The following ZC3H7B variants were observed in gnomAD, a reference collection of about 807,000 sequenced individuals.
ZC3H7B encodes the protein zinc finger CCCH-type containing 7B, also known as zinc finger CCCH domain-containing protein 7B.
ZC3H7B carries 35 observed loss-of-function variants against 116.0 expected under a neutral mutation model. That is an observed-to-expected ratio of 0.30 (90% CI 0.23 to 0.40). ZC3H7B has a LOEUF of 0.40. ZC3H7B is among the 10% of genes least tolerant of loss of function. The pLI, the probability that ZC3H7B is intolerant of heterozygous loss-of-function variation, is 1.00. For synonymous variants in ZC3H7B, 502 were observed against 545.6 expected, an observed-to-expected ratio of 0.92 and a Z score of 1.11; for missense variants, 1,011 against 1,321.5, an observed-to-expected ratio of 0.77 and a Z score of 3.64.
chr22:41,341,793 G>A (rs2036526163), intron 11 of ZC3H7B, among the ~76,000 whole-genome samples: 1 of 151,910 alleles, frequency 6.6e-6, no homozygotes, highest in Non-Finnish European at 1.5e-5. Flanking sequence ...GCCAGGCGTG[G>A]TGGCTCATGC....
chr22:41,319,296 G>A (rs1229450741), intron 1 of ZC3H7B, among the ~76,000 whole-genome samples: 2 of 152,186 alleles, frequency 1.3e-5, no homozygotes, highest in Non-Finnish European at 2.9e-5. Flanking sequence ...AGCTACTCAG[G>A]AGGCTGAGGC....
At chr22:41,355,168 G>T (rs574891663) in intron 17 of ZC3H7B, among the ~76,000 whole-genome samples, 1 of 152,196 alleles carries the variant, frequency 6.6e-6, no homozygotes, top group African/African-American at 2.4e-5. Flanking sequence ...CTGTACAAAC[G>T]CAGGGAGGTG....
intron 9 of ZC3H7B, among the ~76,000 whole-genome samples, 155 bp downstream of exon 9, chr22:41,339,346 A>T (rs1359961629): frequency 6.6e-6 from 1 of 152,078 alleles, no homozygotes; most frequent in African/African-American, 2.4e-5. Context: ...GAAGCTGCAC[A>T]CTGGGCACGG....
At chr22:41,320,592 G>A (rs2036242870) in intron 1 of ZC3H7B, 63 bp from the exon 2 acceptor site, 3 of 1,589,754 alleles carry the variant, frequency 1.9e-6, no homozygotes, top group African/African-American at 1.3e-5. Flanking sequence ...CCCACGAAGT[G>A]GTGGTGGCTG....
At chr22:41,313,858 C>G (rs1407629734) in intron 1 of ZC3H7B, among the ~76,000 whole-genome samples, 1 of 151,288 alleles carries the variant, frequency 6.6e-6, no homozygotes, top group South Asian at 2.1e-4. Context: ...GCGATTCTCC[C>G]GCTTCAGCCT....
intron 15 of ZC3H7B, 130 bp from the exon 16 acceptor site, chr22:41,348,990 G>A (rs1899275122): frequency 9.8e-7 from 1 of 1,023,686 alleles, no homozygotes. Flanking sequence ...TGTCATCCAT[G>A]GCCTGGATTT....
At position 41,340,089 on chromosome 22, in the gene ZC3H7B, A is replaced by G. The variant is rs746618789; in HGVS notation, c.1090A>G (p.Ser364Gly). The G allele has an allele frequency of 6.2e-7, 1 of 1,611,802 alleles. No homozygotes were observed. Among genetic ancestry groups the G allele is most frequent in the Non-Finnish European group, 8.5e-7 (1 of 1,179,708 alleles). Residue 364 changes from serine (S) to glycine (G), a missense_variant, in exon 10 of 23, where the codon AGC becomes GGC. By Grantham distance (56) the Ser-to-Gly change is moderately conservative. Around this residue, in one of 5 missense-constraint regions of ZC3H7B, gnomAD observed 99 missense variants for 89.5 expected, o/e 1.11. Transcript: ENST00000352645. Reference protein sequence around the residue: ...YSETRLDALDSFGSTRGSLDK... With the variant: ...YSETRLDALDGFGSTRGSLDK... ...GGAGACCCGGCTGGATGCACTCGAC[A>G]GCTTTGGGTCGACACGAGGCTCCCT...
At chr22:41,353,731 G>T (rs1263080017) in intron 17 of ZC3H7B, among the ~76,000 whole-genome samples, 1 of 152,228 alleles carries the variant, frequency 6.6e-6, no homozygotes, top group East Asian at 1.9e-4. Flanking sequence ...GGCCAGGCTG[G>T]CTGGCAGGGC....
chr22:41,340,997 C>T, intron 10 of ZC3H7B, 91 bp from the exon 11 acceptor site: 2 of 1,302,628 alleles, frequency 1.5e-6, no homozygotes, highest in Non-Finnish European at 1.1e-6. Flanking sequence ...GGGGGCTTCT[C>T]CGAGTCAGCA....
chr22:41,345,906 A>G (rs367589461), intron 13 of ZC3H7B, 97 bp from the exon 14 acceptor site: 7 of 1,278,486 alleles, frequency 5.5e-6, no homozygotes, highest in East Asian at 4.6e-5. Flanking sequence ...TGCCTGGCTC[A>G]TGGGGCCAGA....
Position 41,357,071 on chromosome 22 carries a change from C to T in ZC3H7B, c.2682-106C>T. The T allele has an allele frequency of 6.6e-7, 1 of 1,521,466 alleles. No homozygotes were observed. Among genetic ancestry groups the T allele is most frequent in the Non-Finnish European group, 8.8e-7 (1 of 1,136,374 alleles). The allele number at this position is 1,521,466 out of a possible 1,614,324, so 94.2% of individuals were successfully genotyped here. A position where few individuals can be genotyped will look rare whatever the true frequency, so the allele number is the denominator to read the frequency against. On this transcript the variant is annotated intron_variant, in intron 22 of 22. Transcript: ENST00000352645. This position sits in a 1 kb window ranked among gnomAD's most constrained non-coding sequence, Gnocchi z 5.4. ...TTTCCCTGAGCTGGGACCCAGCTGC[C>T]CAGGGAGAGGCTTGTCTTCGGGGAG... is the stretch of plus-strand genomic sequence containing the variant.
At chr22:41,339,745 A>T in intron 9 of ZC3H7B, 71 bp from the exon 10 acceptor site, 1 of 1,442,290 alleles carries the variant, frequency 6.9e-7, no homozygotes, top group South Asian at 1.4e-5. Flanking sequence ...TTGCTTCCCC[A>T]AGTCCTGATG....
At position 41,357,561 on chromosome 22, in the gene ZC3H7B, G is replaced by A. The variant is rs1268723527; in HGVS notation, c.*132G>A. The A allele has an allele frequency of 1.2e-5, 13 of 1,064,066 alleles. No homozygotes were observed. Among genetic ancestry groups the A allele is most frequent in the South Asian group, 1.6e-5 (1 of 63,450 alleles). The allele number at this position is 1,064,066 out of a possible 1,614,324, so 65.9% of individuals were successfully genotyped here. ...ATCAGGCAGCCCCCAGCCCCCTGAG[G>A]CCCTGTCCATCTTCTCCCCACCACC... On this transcript the variant is annotated 3_prime_UTR_variant, in exon 23 of 23. Transcript: ENST00000352645. The surrounding 1 kb of genome is among the most constrained non-coding windows in gnomAD (Gnocchi z 5.4).
chr22:41,339,778 GT>G, intron 9 of ZC3H7B, 37 bp from the exon 10 acceptor site: 1 of 1,547,696 alleles, frequency 6.5e-7, no homozygotes, highest in Non-Finnish European at 8.7e-7. Flanking sequence ...GGGCAGTCCT[GT>G]TTTCCTCTGA....
intron 6 of ZC3H7B, among the ~76,000 whole-genome samples, 176 bp from the exon 7 acceptor site, chr22:41,331,995 A>G (rs555683720): frequency 6.6e-5 from 10 of 151,922 alleles, no homozygotes; most frequent in African/African-American, 2.4e-4. Flanking sequence ...AAACCCCAGA[A>G]TCTGACCCAG....
At position 41,327,248 on chromosome 22, in the gene ZC3H7B, G is replaced by A. The variant is rs1300809724; in HGVS notation, c.328G>A (p.Gly110Ser). Residue 110 changes from glycine (G) to serine (S), a missense_variant, in exon 5 of 23, where the codon GGC becomes AGC. Gly to Ser is a moderately conservative substitution (Grantham distance 56). Coordinates refer to ENST00000352645, the MANE Select transcript of ZC3H7B (RefSeq NM_017590.6). This position sits in a 1 kb window ranked among gnomAD's most constrained non-coding sequence, Gnocchi z 4.5. ...KALEDSEKAL[G>S]LDSESIRALF... ...GCTGGAGGACAGCGAGAAGGCGCTGGGCCTGGACAGTGAGAGTATCCGGGC... is the reference window on the plus strand; with the variant it reads ...GCTGGAGGACAGCGAGAAGGCGCTGAGCCTGGACAGTGAGAGTATCCGGGC... The A allele has an allele frequency of 6.2e-7, 1 of 1,613,972 alleles. No individual in the cohort carries two copies. Among genetic ancestry groups the A allele is most frequent in the Non-Finnish European group, 8.5e-7 (1 of 1,180,054 alleles).
chr22:41,322,511 C>CT (rs11380541), intron 2 of ZC3H7B, among the ~76,000 whole-genome samples: 5,848 of 151,390 alleles, frequency 0.039, 355 homozygotes, highest in African/African-American at 0.13. Flanking sequence ...TTTTATTTCT[C>CT]TTTTTTTTTA....
intron 17 of ZC3H7B, among the ~76,000 whole-genome samples, chr22:41,352,075 A>G (rs566001495): frequency 2.0e-5 from 3 of 152,264 alleles, no homozygotes; most frequent in South Asian, 4.1e-4. Flanking sequence ...GGCTCAAGCA[A>G]TCCTCCCACC....
At chr22:41,345,005 G>A (rs755083152) in intron 13 of ZC3H7B, among the ~76,000 whole-genome samples, 2 of 151,984 alleles carry the variant, frequency 1.3e-5, no homozygotes, top group African/African-American at 4.8e-5. Flanking sequence ...GTAGAGATAG[G>A]GTTCTTAATT....
Sources: gnomAD v4.1 joint callset for allele counts (sites outside exome capture counted in the v4.1 genomes callset) on GRCh38, gnomAD v4.1.1 for gene constraint, gnomAD v4.1.1 regional missense constraint, Gnocchi (gnomAD v3.1) non-coding constraint, MANE v1.5 for transcripts, NCBI Gene and HGNC (gene_info 2026-07-23, HGNC 2026-07-21) for gene names.